CCDC186: variants seen among roughly 807,000 people sequenced by gnomAD.
CCDC186 encodes the protein coiled-coil domain containing 186.
CCDC186 carries 49 observed loss-of-function variants against 113.7 expected under a neutral mutation model. The ratio of observed to expected loss-of-function variants is 0.43; its 90% CI spans 0.34 to 0.55. CCDC186 has a LOEUF of 0.55. CCDC186 is among the 20% of genes least tolerant of loss of function. The pLI is 0.02. For synonymous variants in CCDC186, 355 were observed against 345.8 expected, an observed-to-expected ratio of 1.03 and a Z score of -0.30; for missense variants, 890 against 1,011.1, an observed-to-expected ratio of 0.88 and a Z score of 1.62.
rs1203992475 is a variant in CCDC186 at position 114,135,915 on chromosome 10, A to C, written c.1488T>G (p.Asp496Glu). 1 of 1,612,742 alleles carries C rather than the reference A, an allele frequency of 6.2e-7. No homozygotes were observed. Among genetic ancestry groups the C allele is most frequent in the Non-Finnish European group, 8.5e-7 (1 of 1,179,244 alleles). The change falls in exon 9 of 16, where the codon GAT (aspartate) becomes GAG (glutamate). Residue 496 changes from aspartate (D) to glutamate (E), a missense_variant. Coordinates refer to ENST00000369287, the MANE Select transcript of CCDC186 (RefSeq NM_018017.4). ...DLKRTFKEGM[D>E]ELRTLRTKVK... Reference sequence around the variant, plus strand: ...CCTTTGTTCTCAGTGTTCTTAACTCATCCATACCCTCCTTAAATGTTCTCT... The same window carrying C: ...CCTTTGTTCTCAGTGTTCTTAACTCCTCCATACCCTCCTTAAATGTTCTCT...
intron 1 of CCDC186, among the ~76,000 whole-genome samples, chr10:114,164,879 G>T (rs1286424019): frequency 6.6e-6 from 1 of 152,184 alleles, no homozygotes; most frequent in East Asian, 1.9e-4. Context: ...AAGCAGGAGT[G>T]AATTTTGTTA....
chr10:114,149,597 GGGAAGGGAAGGGAAGGGAAGGGAAGGAAA>G (rs2031759053), intron 4 of CCDC186, among the ~76,000 whole-genome samples: 1 of 33,446 alleles, frequency 3.0e-5, no homozygotes, highest in Non-Finnish European at 5.9e-5. Flanking sequence ...GGGAAGGGAA[GGGAAGGGAAGGGAAGGGAAGGGAAGGAAA>G]GGGAGGGGAG....
At chr10:114,153,282 A>G (rs2031908703) in intron 3 of CCDC186, among the ~76,000 whole-genome samples, 1 of 152,252 alleles carries the variant, frequency 6.6e-6, no homozygotes. Context: ...TAATGGAATG[A>G]GACCTCAGTA....
At chr10:114,136,884 T>C (rs1329354524) in intron 7 of CCDC186, among the ~76,000 whole-genome samples, 3 of 152,082 alleles carry the variant, frequency 2.0e-5, no homozygotes, top group African/African-American at 7.2e-5. Context: ...TTTGGGAGAC[T>C]GAGGCGGGTG....
At chr10:114,170,386 C>T (rs1246604234) in intron 1 of CCDC186, among the ~76,000 whole-genome samples, 1 of 152,100 alleles carries the variant, frequency 6.6e-6, no homozygotes, top group Non-Finnish European at 1.5e-5. Flanking sequence ...GGAGTGCAGT[C>T]AGAGGTCACT....
Position 114,144,516 on chromosome 10 carries a change from G to A in CCDC186, c.1202C>T (p.Ala401Val), listed in dbSNP as rs1408430268. 6.2e-7 allele frequency: 1 copy of A among 1,612,924 alleles called. No homozygotes were observed. The highest frequency in any genetic ancestry group is 8.5e-7 in the Non-Finnish European group (1 of 1,179,430). The change falls in exon 6 of 16, where the codon GCT (alanine) becomes GTT (valine). Residue 401 changes from alanine (A) to valine (V), a missense_variant. Coordinates refer to ENST00000369287, the MANE Select transcript of CCDC186 (RefSeq NM_018017.4). The stretch of plus-strand genomic sequence containing the variant: ...ACGTACCTTGTGTGAATCCATTTCA[G>A]CTTTTAATTTGTTTTGTGCCCACTT... ...KVKWAQNKLK[A>V]EMDSHKETKD...
intron 1 of CCDC186, among the ~76,000 whole-genome samples, chr10:114,170,444 C>T (rs1392009834): frequency 6.6e-6 from 1 of 152,134 alleles, no homozygotes; most frequent in Non-Finnish European, 1.5e-5. Flanking sequence ...CCTCAGCCTC[C>T]TAAGAAGCTG....
intron 14 of CCDC186, 152 bp from the exon 15 acceptor site, chr10:114,126,257 T>C: frequency 1.6e-6 from 1 of 629,596 alleles, no homozygotes; most frequent in Non-Finnish European, 2.7e-6. Context: ...ATTCAGATGG[T>C]TTCTTAAACT....
At chr10:114,154,634 A>C (rs936605680) in intron 3 of CCDC186, among the ~76,000 whole-genome samples, 15 of 152,206 alleles carry the variant, frequency 9.9e-5, no homozygotes, top group Non-Finnish European at 1.9e-4. Flanking sequence ...AAAACAATTA[A>C]AGAAGAATAC....
chr10:114,137,798 G>A (rs1001635393), intron 6 of CCDC186, among the ~76,000 whole-genome samples: 7 of 150,994 alleles, frequency 4.6e-5, no homozygotes, highest in African/African-American at 1.7e-4. Context: ...GCACTTTGGG[G>A]GGCTGAGGTG....
At chr10:114,156,772 A>T (rs1361333384) in intron 3 of CCDC186, among the ~76,000 whole-genome samples, 1 of 152,092 alleles carries the variant, frequency 6.6e-6, no homozygotes, top group Non-Finnish European at 1.5e-5. Context: ...GGAAAAGGAC[A>T]GGCTAGGAAA....
At chr10:114,126,191 A>G in intron 14 of CCDC186, 86 bp from the exon 15 acceptor site, 1 of 985,040 alleles carries the variant, frequency 1.0e-6, no homozygotes. Context: ...CATAAAGATA[A>G]GCATAAAATA....
chr10:114,134,486 G>A (rs1273251218), intron 10 of CCDC186, among the ~76,000 whole-genome samples: 2 of 152,188 alleles, frequency 1.3e-5, no homozygotes, highest in East Asian at 1.9e-4. Flanking sequence ...TCCAGGTTCT[G>A]TCTGGTAATG....
chr10:114,148,074 G>A (rs1358810965), intron 4 of CCDC186, among the ~76,000 whole-genome samples: 3 of 152,154 alleles, frequency 2.0e-5, no homozygotes, highest in Admixed American at 6.5e-5. Flanking sequence ...GGTTGAGGCT[G>A]CAGTTAGCCA....
At chr10:114,165,812 C>T (rs559024698) in intron 1 of CCDC186, 8 of 800,918 alleles carry the variant, frequency 1.0e-5, no homozygotes, top group Non-Finnish European at 1.2e-5. Context: ...CGTGCCATTG[C>T]ACTCCAGCCT....
chr10:114,151,701 G>A (rs985212510), intron 3 of CCDC186, among the ~76,000 whole-genome samples: 5 of 152,124 alleles, frequency 3.3e-5, no homozygotes, highest in East Asian at 1.9e-4. Flanking sequence ...CCAGTTAGTC[G>A]CTTAGTAGCC....
chr10:114,138,037 C>CAAAAAAAAAAAAAAAAAAAAAA (rs1564908401), intron 6 of CCDC186, among the ~76,000 whole-genome samples: 2 of 22,830 alleles, frequency 8.8e-5, no homozygotes, highest in African/African-American at 1.5e-4. Flanking sequence ...AACTCGGTCT[C>CAAAAAAAAAAAAAAAAAAAAAA]AAAAAAAAAA....
intron 4 of CCDC186, among the ~76,000 whole-genome samples, chr10:114,150,658 AT>A (rs748692079): frequency 1.2e-4 from 18 of 151,040 alleles, no homozygotes; most frequent in African/African-American, 4.1e-4. Context: ...ATGACTTACT[AT>A]TTTTTTTTAG....
At chr10:114,165,689 CA>C (rs981127278) in intron 1 of CCDC186, among the ~76,000 whole-genome samples, 4 of 149,538 alleles carry the variant, frequency 2.7e-5, no homozygotes, top group South Asian at 2.1e-4. Flanking sequence ...GACTCTGTCT[CA>C]AAAAAAAATT....
Sources: gnomAD v4.1 joint callset for allele counts (sites outside exome capture counted in the v4.1 genomes callset) on GRCh38, gnomAD v4.1.1 for gene constraint, MANE v1.5 for transcripts, NCBI Gene and HGNC (gene_info 2026-07-23, HGNC 2026-07-21) for gene names.